Variants in AGL observed in about 807,000 individuals in gnomAD.
AGL encodes amylo-alpha-1,6-glucosidase and 4-alpha-glucanotransferase.
In AGL, 128 loss-of-function variants were observed where a neutral mutation model predicts 199.3. That is an observed-to-expected ratio of 0.64 (90% CI 0.56 to 0.74). The LOEUF (loss-of-function observed/expected upper bound fraction) is 0.74, where lower values mean the gene tolerates loss of function less well. Ranked by LOEUF, AGL falls within the 30% of genes least tolerant of loss-of-function variation. AGL has a pLI of 0.00. For synonymous variants in AGL, 584 were observed against 594.7 expected, an observed-to-expected ratio of 0.98 and a Z score of 0.26; for missense variants, 1,809 against 1,820.8, an observed-to-expected ratio of 0.99 and a Z score of 0.12.
At chr1:99,880,912 T>G in intron 14 of AGL, 117 bp downstream of exon 14, 1 of 1,320,584 alleles carries the variant, frequency 7.6e-7, no homozygotes. Context: ...GATTTATAAC[T>G]GATTTATAAT....
chr1:99,905,056 T>C (rs1428054707), intron 27 of AGL, among the ~76,000 whole-genome samples: 1 of 152,230 alleles, frequency 6.6e-6, no homozygotes, highest in African/African-American at 2.4e-5. Context: ...TGCCAAACTA[T>C]TTTCCAGAGT....
At position 99,912,408 on chromosome 1, in the gene AGL, T is replaced by G. The variant is rs778956378; in HGVS notation, c.3840T>G (p.Asp1280Glu). 1.9e-6 allele frequency: 3 copies of G among 1,613,442 alleles called. No homozygotes were observed. Among genetic ancestry groups the G allele is most frequent in the South Asian group, 1.1e-5 (1 of 91,010 alleles). Residue 1280 changes from aspartate (D) to glutamate (E), a missense_variant, in exon 29 of 34, where the codon GAT becomes GAG. Asp to Glu is a conservative substitution (Grantham distance 45). Coordinates refer to ENST00000361915, the MANE Select transcript of AGL (RefSeq NM_000642.3). ...RNRGIPATPRDGSAVEIVGLS... is the reference protein window; with the variant it reads ...RNRGIPATPREGSAVEIVGLS... ...AAAATACGTTTTTTAATTTTAGAGA[T>G]GGGTCTGCTGTGGAAATTGTGGGCC...
chr1:99,882,836 A>G (rs908249675), intron 17 of AGL, among the ~76,000 whole-genome samples: 1 of 152,196 alleles, frequency 6.6e-6, no homozygotes, highest in African/African-American at 2.4e-5. Flanking sequence ...CATATTCTAT[A>G]TTGGTTGCTA....
At chr1:99,899,558 TTCCCTCCCTCCCTCCC>T (rs1195469948) in intron 25 of AGL, among the ~76,000 whole-genome samples, 1 of 134,528 alleles carries the variant, frequency 7.4e-6, no homozygotes, top group Admixed American at 7.3e-5. Context: ...CTCTCTCTCT[TTCCCTCCCTCCCTCCC>T]TCCCTCTCTC....
At chr1:99,914,046 G>A (rs767789100) in intron 30 of AGL, among the ~76,000 whole-genome samples, 7 of 152,260 alleles carry the variant, frequency 4.6e-5, no homozygotes, top group Middle Eastern at 3.4e-3. Context: ...ACACTTGGCG[G>A]ACTGAGGCAG....
rs756595311 is a variant in AGL, at chr1:99,881,130, TGTGCTAGTGGAA to T, written c.1957_1968del (p.Ala653_Ser656del). 2 of 1,614,076 alleles carry T rather than the reference TGTGCTAGTGGAA, an allele frequency of 1.2e-6. No homozygotes were observed. The highest frequency in any genetic ancestry group is 3.3e-5 in the Admixed American group (2 of 60,010). ...TACTACAATTGTTTCTATGGCATGT[TGTGCTAGTGGAA>T]GTACAAGAGGCTATGATGAATTAGT... On this transcript the variant is annotated inframe_deletion, in exon 15 of 34. Transcript: ENST00000361915.
chr1:99,872,743 G>T (rs1392165416), intron 7 of AGL, among the ~76,000 whole-genome samples: 1 of 152,088 alleles, frequency 6.6e-6, no homozygotes, highest in Non-Finnish European at 1.5e-5. Context: ...TGGCCAGGAT[G>T]GTCTCGATCT....
intron 2 of AGL, among the ~76,000 whole-genome samples, chr1:99,854,777 A>G (rs1222315495): frequency 6.6e-6 from 1 of 152,018 alleles, no homozygotes; most frequent in Non-Finnish European, 1.5e-5. Flanking sequence ...AAAAAAAAAA[A>G]AGATAATTTG....
rs1415280361 is a variant in AGL, at chr1:99,892,541, G to A, written c.3193G>A (p.Asp1065Asn). 3 of 1,613,624 alleles carry A rather than the reference G, an allele frequency of 1.9e-6. No homozygotes were observed. Among genetic ancestry groups the A allele is most frequent in the Admixed American group, 1.7e-5 (1 of 59,970 alleles). ...SLPILSPALM[D>N]VPYRLNEITK... is the part of the protein sequence containing the mutation. ...GCCAATTCTTTCACCTGCCCTAATGGATGTACCTTATAGGTTAAATGAGAT... is the reference window on the plus strand; with the variant it reads ...GCCAATTCTTTCACCTGCCCTAATGAATGTACCTTATAGGTTAAATGAGAT... Residue 1065 changes from aspartate to asparagine, a missense_variant, in exon 24 of 34, where the codon GAT becomes AAT. Physicochemically the swap from Asp to Asn is conservative, Grantham distance 23. Transcript: ENST00000361915.
chr1:99,907,956 A>T (rs2100840922), intron 27 of AGL, among the ~76,000 whole-genome samples: 1 of 151,902 alleles, frequency 6.6e-6, no homozygotes, highest in Admixed American at 6.6e-5. Flanking sequence ...ATTTTCTCCC[A>T]TATTGTGGGT....
intron 17 of AGL, among the ~76,000 whole-genome samples, chr1:99,882,780 A>G (rs942084199): frequency 8.5e-5 from 13 of 152,184 alleles, no homozygotes; most frequent in Admixed American, 8.5e-4. Flanking sequence ...GCAGCTGGCA[A>G]AGTTTGTTGA....
rs942399753 is a variant in AGL, at chr1:99,884,766, T to G, written c.2681+63T>G. On this transcript the variant is annotated intron_variant, in intron 20 of 33. Transcript: ENST00000361915. ...ATAAGTAAGTTACCACTAGACTGAA[T>G]TAAGCAGTTTTAAGGGTCCTCTATA... 1.0e-5 allele frequency: 16 copies of G among 1,581,964 alleles called. No individual in the cohort carries two copies. In the African/African-American group the frequency reaches 2.2e-4, roughly 21 times the overall value.
At chr1:99,921,223 C>T (rs1468809286) in intron 33 of AGL, among the ~76,000 whole-genome samples, 4 of 152,102 alleles carry the variant, frequency 2.6e-5, no homozygotes, top group Non-Finnish European at 5.9e-5. Flanking sequence ...ATTTGAGTCT[C>T]ATAAACAAAA....
At chr1:99,857,847 A>AGGGAGACCGGGGGGAGGGGGAGGGGGG (rs1649685231) in intron 2 of AGL, among the ~76,000 whole-genome samples, 2 of 8,246 alleles carry the variant, frequency 2.4e-4, no homozygotes, top group East Asian at 4.7e-3. Flanking sequence ...GGGGAGGGGG[A>AGGGAGACCGGGGGGAGGGGGAGGGGGG]GGGGGGAAGA....
intron 29 of AGL, among the ~76,000 whole-genome samples, 166 bp from the exon 30 acceptor site, chr1:99,913,361 T>A (rs184011089): frequency 6.6e-6 from 1 of 152,222 alleles, no homozygotes; most frequent in African/African-American, 2.4e-5. Context: ...AGCTTATATT[T>A]TACATTTATA....
At chr1:99,906,994 A>G (rs1178616788) in intron 27 of AGL, among the ~76,000 whole-genome samples, 2 of 152,074 alleles carry the variant, frequency 1.3e-5, no homozygotes, top group African/African-American at 2.4e-5. Flanking sequence ...CAACTATTCA[A>G]ATTTCTCTGC....
chr1:99,902,764 C>T lies in AGL; in HGVS notation c.3670C>T (p.Pro1224Ser), dbSNP rs1417784168. The T allele has an allele frequency of 6.2e-7, 1 of 1,613,154 alleles. No homozygotes were observed. Among genetic ancestry groups the T allele is most frequent in the Non-Finnish European group, 8.5e-7 (1 of 1,179,388 alleles). The change falls in exon 27 of 34, where the codon CCC becomes TCC. Residue 1224 changes from proline (P) to serine (S), a missense_variant. Physicochemically the swap from Pro to Ser is moderately conservative, Grantham distance 74. Coordinates refer to ENST00000361915, the MANE Select transcript of AGL (RefSeq NM_000642.3). ...GIQFRERNAG[P>S]QIDRNMKDEG... ...ACAGTTCCGAGAAAGGAATGCTGGT[C>T]CCCAGATAGATCGAAACATGAAGGA... is the stretch of plus-strand genomic sequence containing the variant.
intron 2 of AGL, among the ~76,000 whole-genome samples, chr1:99,854,262 A>C (rs1649222960): frequency 6.6e-6 from 1 of 152,252 alleles, no homozygotes; most frequent in African/African-American, 2.4e-5. Flanking sequence ...AGTGCAGTGT[A>C]CTGCTGATTG....
At chr1:99,856,084 A>T (rs1316020543) in intron 2 of AGL, among the ~76,000 whole-genome samples, 3 of 152,218 alleles carry the variant, frequency 2.0e-5, no homozygotes, top group African/African-American at 7.2e-5. Flanking sequence ...ATGAGGAATA[A>T]GATAGCCACA....
Sources: gnomAD v4.1 joint callset for allele counts (sites outside exome capture counted in the v4.1 genomes callset) on GRCh38, gnomAD v4.1.1 for gene constraint, MANE v1.5 for transcripts, NCBI Gene and HGNC (gene_info 2026-07-23, HGNC 2026-07-21) for gene names.